ZNF704: variants seen among roughly 807,000 people sequenced by gnomAD.
The protein encoded by ZNF704 is zinc finger protein 704, also known as glucocorticoid induced gene 1.
Under a neutral mutation model 44.7 loss-of-function variants are expected in ZNF704, and 10 were observed. The ratio of observed to expected loss-of-function variants is 0.22; its 90% CI spans 0.14 to 0.38. The LOEUF (loss-of-function observed/expected upper bound fraction) is 0.38, where lower values mean the gene tolerates loss of function less well. ZNF704 is among the 10% of genes least tolerant of loss of function. The pLI, the probability that ZNF704 is intolerant of heterozygous loss-of-function variation, is 1.00. For synonymous variants in ZNF704, 211 were observed against 207.6 expected (o/e 1.02, Z -0.14); for missense variants, 390 against 545.5 (o/e 0.71, Z 2.84).
At chr8:80,691,990 C>T (rs1035374152) in intron 3 of ZNF704, among the ~76,000 whole-genome samples, 6 of 152,156 alleles carry the variant, frequency 3.9e-5, no homozygotes, top group Non-Finnish European at 7.4e-5. Flanking sequence ...TCGATTATGT[C>T]GTATCTACCT....
chr8:80,755,764 C>G (rs1465962921), intron 2 of ZNF704, among the ~76,000 whole-genome samples: 2 of 152,112 alleles, frequency 1.3e-5, no homozygotes, highest in African/African-American at 4.8e-5. Flanking sequence ...TTTAGGTAAG[C>G]AATGCACAAA....
In ZNF704 at chr8:80,629,004, G is replaced by A. The variant is rs976716139; in HGVS notation, c.*12362C>T. On this transcript the variant is annotated 3_prime_UTR_variant, in exon 9 of 9. Transcript: ENST00000327835. ...TCCTTCTGTTTCAATTAGCACCAGTGTATTTAAAAATATTTTTCCTGGTGT... is the reference window on the plus strand; with the variant it reads ...TCCTTCTGTTTCAATTAGCACCAGTATATTTAAAAATATTTTTCCTGGTGT... 1.1e-4 allele frequency: 16 copies of A among 151,856 alleles called. No individual in the cohort carries two copies. The highest frequency in any genetic ancestry group is 9.2e-4 in the Admixed American group (14 of 15,252). The allele number at this position is 151,856 out of a possible 1,614,324, so 9.4% of individuals were successfully genotyped here. A position where few individuals can be genotyped will look rare whatever the true frequency, so the allele number is the denominator to read the frequency against.
chr8:80,689,731 CT>C (rs1818600492), intron 3 of ZNF704, among the ~76,000 whole-genome samples: 1 of 152,142 alleles, frequency 6.6e-6, no homozygotes, highest in Non-Finnish European at 1.5e-5. Flanking sequence ...GGTTACATGG[CT>C]TCATGTCAAT....
At chr8:80,664,148 G>A (rs2131609197) in intron 6 of ZNF704, among the ~76,000 whole-genome samples, 1 of 151,666 alleles carries the variant, frequency 6.6e-6, no homozygotes, top group Middle Eastern at 3.4e-3. Context: ...CCAGGCTGGA[G>A]TACAGTGGTG....
intron 2 of ZNF704, among the ~76,000 whole-genome samples, chr8:80,700,789 C>A (rs971156558): frequency 2.7e-5 from 4 of 149,208 alleles, no homozygotes; most frequent in African/African-American, 9.9e-5. Flanking sequence ...AGATTTGAAA[C>A]TTCCATAATA....
Position 80,664,831 on chromosome 8 carries a change from G to C in ZNF704, c.911C>G (p.Thr304Ser). ...SAPTTLYLVH[T>S]DHAYQATPPV... ...GCAAGTCACCTGGTAAGCATGGTCA[G>C]TGTGCACGAGGTAGAGGGTGGTGGG... Residue 304 changes from threonine (T) to serine (S), a missense_variant, in exon 6 of 9, where the codon ACT (threonine) becomes AGT (serine). Thr to Ser is a moderately conservative substitution (Grantham distance 58, BLOSUM62 1). Transcript: ENST00000327835. The C allele has an allele frequency of 1.2e-6, 2 of 1,614,224 alleles. No homozygotes were observed. Among genetic ancestry groups the C allele is most frequent in the Non-Finnish European group, 8.5e-7 (1 of 1,180,034 alleles).
chr8:80,855,672 C>A (rs548015797), intron 1 of ZNF704, among the ~76,000 whole-genome samples: 18 of 152,046 alleles, frequency 1.2e-4, no homozygotes, highest in African/African-American at 4.3e-4. Context: ...ATACAATGTA[C>A]GTTATTTAAG....
chr8:80,687,306 G>A lies in ZNF704; in HGVS notation c.478C>T (p.Pro160Ser), dbSNP rs1222796026. 1 of 1,612,942 alleles carries A rather than the reference G, an allele frequency of 6.2e-7. No individual in the cohort carries two copies. The highest frequency in any genetic ancestry group is 1.1e-5 in the South Asian group (1 of 91,062). The change falls in exon 4 of 9, where the codon CCC becomes TCC. Residue 160 changes from proline (P) to serine (S), a missense_variant. Physicochemically the swap from Pro to Ser is moderately conservative, Grantham distance 74. Coordinates refer to ENST00000327835, the MANE Select transcript of ZNF704 (RefSeq NM_001033723.3). ...TCGATGCCGTCGTCTGGCTGCGCGGGGCTGCGGAAGGGCTTGAAGCTGTCA... is the reference window on the plus strand; with the variant it reads ...TCGATGCCGTCGTCTGGCTGCGCGGAGCTGCGGAAGGGCTTGAAGCTGTCA... ...SADSFKPFRS[P>S]AQPDDGIDEA...
At chr8:80,764,676 T>C (rs1301703411) in intron 2 of ZNF704, among the ~76,000 whole-genome samples, 2 of 152,234 alleles carry the variant, frequency 1.3e-5, no homozygotes, top group Admixed American at 1.3e-4. Flanking sequence ...GTATATGCTG[T>C]CCAACTGAAA....
intron 4 of ZNF704, among the ~76,000 whole-genome samples, chr8:80,678,153 G>A (rs538008749): frequency 1.6e-3 from 238 of 152,288 alleles, no homozygotes; most frequent in Non-Finnish European, 2.6e-3. Context: ...AATGACTCAG[G>A]TCATTAGCAA....
At chr8:80,840,627 A>AT (rs1808662204) in intron 1 of ZNF704, among the ~76,000 whole-genome samples, 1 of 152,140 alleles carries the variant, frequency 6.6e-6, no homozygotes, top group East Asian at 1.9e-4. Flanking sequence ...CCTCTGCTCT[A>AT]TTCCCCGTCA....
chr8:80,707,918 A>G (rs1024273144), intron 2 of ZNF704, among the ~76,000 whole-genome samples: 2 of 152,258 alleles, frequency 1.3e-5, no homozygotes, highest in Non-Finnish European at 2.9e-5. Context: ...AGTGCTCTTC[A>G]TAAGACACTT....
chr8:80,647,145 G>A (rs1021629247), intron 7 of ZNF704, among the ~76,000 whole-genome samples: 1 of 152,236 alleles, frequency 6.6e-6, no homozygotes, highest in Non-Finnish European at 1.5e-5. Context: ...TGGAGCTTAC[G>A]TTCTAGTGAG....
At chr8:80,804,335 A>C (rs1235529680) in intron 2 of ZNF704, among the ~76,000 whole-genome samples, 2 of 152,200 alleles carry the variant, frequency 1.3e-5, no homozygotes, top group African/African-American at 4.8e-5. Context: ...TATATACTCA[A>C]GGGAATATAA....
chr8:80,726,668 A>G (rs551341568), intron 2 of ZNF704, among the ~76,000 whole-genome samples: 2 of 152,212 alleles, frequency 1.3e-5, no homozygotes, highest in Non-Finnish European at 2.9e-5. Flanking sequence ...GATGATGGAC[A>G]TACAGGGAGT....
Position 80,821,421 on chromosome 8 carries a change from C to T in ZNF704, c.174G>A (p.Glu58=), listed in dbSNP as rs773224025. The change falls in exon 2 of 9, where the codon GAG becomes GAA. Residue 58 remains glutamate, a synonymous_variant. Coordinates refer to ENST00000327835, the MANE Select transcript of ZNF704 (RefSeq NM_001033723.3). ...TGGAGGAAACAACTTTTCTTTTTTGCTCAAGGAGACAGATGGAGCGAGTGT... is the reference window on the plus strand; with the variant it reads ...TGGAGGAAACAACTTTTCTTTTTTGTTCAAGGAGACAGATGGAGCGAGTGT... ...KENTRSICLL[E]QKRKVVSSNI... The T allele has an allele frequency of 2.0e-5, 32 of 1,613,634 alleles. 1 individual carries two copies. In the Middle Eastern group the frequency reaches 5.0e-4, roughly 25 times the overall value.
intron 2 of ZNF704, among the ~76,000 whole-genome samples, chr8:80,782,411 C>A (rs570575331): frequency 1.2e-4 from 19 of 152,260 alleles, no homozygotes; most frequent in Admixed American, 5.2e-4. Context: ...GATAAAAGGC[C>A]TCAGGGATGT....
intron 2 of ZNF704, among the ~76,000 whole-genome samples, chr8:80,797,040 T>C (rs890040604): frequency 6.9e-6 from 1 of 144,150 alleles, no homozygotes; most frequent in African/African-American, 2.5e-5. Flanking sequence ...GCCCAAAAGA[T>C]AGTGGTAACA....
intron 2 of ZNF704, among the ~76,000 whole-genome samples, chr8:80,766,993 G>A (rs1228515840): frequency 1.3e-5 from 2 of 152,072 alleles, no homozygotes; most frequent in Admixed American, 1.3e-4. Context: ...GATTATAGGC[G>A]TGAGCCACTG....
Sources: gnomAD v4.1 joint callset for allele counts (sites outside exome capture counted in the v4.1 genomes callset) on GRCh38, gnomAD v4.1.1 for gene constraint, MANE v1.5 for transcripts, NCBI Gene and HGNC (gene_info 2026-07-23, HGNC 2026-07-21) for gene names.